Variants in NAV2 observed in about 807,000 individuals in gnomAD.
The protein encoded by NAV2 is helicase, APC down-regulated 1.
A neutral mutation model predicts 223.2 loss-of-function variants in NAV2; 54 were observed. The ratio of observed to expected loss-of-function variants is 0.24; its 90% confidence interval spans 0.19 to 0.30. The LOEUF is 0.30. Ranked by LOEUF, NAV2 falls within the 10% of genes least tolerant of loss-of-function variation. The pLI, the probability that NAV2 is intolerant of heterozygous loss-of-function variation, is 1.00. For missense variants in NAV2, 2,806 were observed against 3,147.5 expected (o/e 0.89, Z 2.60); for synonymous variants, 1,279 against 1,239.3 (o/e 1.03, Z -0.67).
intron 1 of NAV2, among the ~76,000 whole-genome samples, chr11:19,570,002 A>G (rs1028794991): frequency 1.3e-5 from 2 of 152,092 alleles, no homozygotes; most frequent in South Asian, 2.1e-4. Context: ...CAGCAGAATT[A>G]CTCCTTGTAG....
chr11:19,911,618 T>A (rs2043322684), intron 6 of NAV2, among the ~76,000 whole-genome samples: 1 of 152,154 alleles, frequency 6.6e-6, no homozygotes, highest in African/African-American at 2.4e-5. Context: ...TCTGAATCTC[T>A]TTGGTGTTTT....
intron 6 of NAV2, among the ~76,000 whole-genome samples, chr11:19,904,088 A>G (rs909951018): frequency 2.0e-5 from 3 of 152,174 alleles, no homozygotes; most frequent in African/African-American, 7.2e-5. Context: ...GCACTAGTTG[A>G]TTTTTGCTGC....
At chr11:19,781,274 G>A (rs1028556814) in intron 1 of NAV2, among the ~76,000 whole-genome samples, 9 of 152,286 alleles carry the variant, frequency 5.9e-5, no homozygotes, top group African/African-American at 2.2e-4. Flanking sequence ...TGCTGCTGAG[G>A]TGGGTCTGCA....
intron 11 of NAV2, among the ~76,000 whole-genome samples, chr11:20,025,620 TCA>T (rs2054974728): frequency 6.6e-6 from 1 of 152,210 alleles, no homozygotes; most frequent in Non-Finnish European, 1.5e-5. Flanking sequence ...CACCTACTTG[TCA>T]AGGAATGAGT....
At chr11:19,921,908 G>A (rs1437451497) in intron 6 of NAV2, among the ~76,000 whole-genome samples, 2 of 152,192 alleles carry the variant, frequency 1.3e-5, no homozygotes, top group Admixed American at 6.5e-5. Flanking sequence ...CTTAACATGT[G>A]TTGTTAGTAA....
At chr11:19,970,980 T>C (rs1479260183) in intron 10 of NAV2, among the ~76,000 whole-genome samples, 1 of 152,184 alleles carries the variant, frequency 6.6e-6, no homozygotes, top group African/African-American at 2.4e-5. Context: ...ACCTTCTCAG[T>C]GTGGTGTCCT....
chr11:19,766,519 C>T (rs1445907056), intron 1 of NAV2, among the ~76,000 whole-genome samples: 1 of 152,188 alleles, frequency 6.6e-6, no homozygotes, highest in Non-Finnish European at 1.5e-5. Context: ...GCTCTCAGAG[C>T]CAGAAGAGTG....
intron 1 of NAV2, among the ~76,000 whole-genome samples, chr11:19,396,604 G>A (rs78512822): frequency 0.018 from 2,782 of 152,248 alleles, 40 homozygotes; most frequent in Non-Finnish European, 0.031. Flanking sequence ...ACCTCACTGG[G>A]TGGGGAGGTC....
intron 10 of NAV2, among the ~76,000 whole-genome samples, chr11:19,953,524 C>T (rs1472196679): frequency 6.6e-6 from 1 of 152,234 alleles, no homozygotes. Context: ...ATTCCTTTCC[C>T]CTCATGCCCA....
rs569665023 is a variant in NAV2, at chr11:20,083,994, C to A, written c.5498+815C>A. ...ACCAGATGGGTAGAGGGAGTACAGGCAAAATCAGCCTGTCCAGAGGCCAGA... is the reference window on the plus strand; with the variant it reads ...ACCAGATGGGTAGAGGGAGTACAGGAAAAATCAGCCTGTCCAGAGGCCAGA... On this transcript the variant is annotated intron_variant, in intron 26 of 37. Coordinates refer to ENST00000349880, the MANE Select transcript of NAV2 (RefSeq NM_145117.5). 7.7e-4 allele frequency among the ~76,000 whole-genome samples: 117 copies of A among 152,344 alleles called. 1 individual carries two copies. The highest frequency in any genetic ancestry group is 2.7e-3 in the African/African-American group (112 of 41,580).
chr11:19,868,295 T>C (rs2062224067), intron 3 of NAV2, among the ~76,000 whole-genome samples: 1 of 152,186 alleles, frequency 6.6e-6, no homozygotes, highest in African/African-American at 2.4e-5. Context: ...AATGACCTAA[T>C]TGTTCTTTTG....
chr11:19,645,290 T>C (rs2047783627), intron 1 of NAV2, among the ~76,000 whole-genome samples: 1 of 152,270 alleles, frequency 6.6e-6, no homozygotes, highest in African/African-American at 2.4e-5. Context: ...TGACACAGAC[T>C]CTCCTGCCTC....
At chr11:19,729,108 T>C (rs2051510119) in intron 1 of NAV2, among the ~76,000 whole-genome samples, 1 of 152,148 alleles carries the variant, frequency 6.6e-6, no homozygotes, top group Non-Finnish European at 1.5e-5. Flanking sequence ...TTGAAAAATA[T>C]GACCAAGTGA....
At chr11:19,391,037 A>G (rs905134879) in intron 1 of NAV2, among the ~76,000 whole-genome samples, 2 of 152,144 alleles carry the variant, frequency 1.3e-5, no homozygotes, top group African/African-American at 4.8e-5. Context: ...AAGATAAATA[A>G]TTTGCCCATA....
At chr11:19,614,231 G>C (rs1412221236) in intron 1 of NAV2, among the ~76,000 whole-genome samples, 3 of 152,134 alleles carry the variant, frequency 2.0e-5, no homozygotes, top group South Asian at 4.2e-4. Context: ...TTGAAGAGGA[G>C]ATGAGGCAGG....
At position 20,084,176 on chromosome 11, in the gene NAV2, C is replaced by T. The variant is rs145519407; in HGVS notation, c.5498+997C>T. ...GCAGAGGCATGATCTCGGCTCACTG[C>T]AACTTCTGCTGCCCAGGTGCAAGCA... On this transcript the variant is annotated intron_variant, in intron 26 of 37. Transcript: ENST00000349880. Among the ~76,000 whole-genome samples the T allele has an allele frequency of 1.7e-3, 263 of 152,360 alleles. 11 individuals are homozygous for T. In the East Asian group the frequency reaches 0.03, roughly 17 times the overall value.
chr11:19,753,132 G>A (rs1375762113), intron 1 of NAV2, among the ~76,000 whole-genome samples: 1 of 152,184 alleles, frequency 6.6e-6, no homozygotes, highest in Non-Finnish European at 1.5e-5. Context: ...CTCCAGAACT[G>A]AGAAATGAAT....
intron 1 of NAV2, among the ~76,000 whole-genome samples, chr11:19,566,023 T>A (rs1224755549): frequency 1.3e-5 from 2 of 151,426 alleles, no homozygotes; most frequent in Non-Finnish European, 2.9e-5. Flanking sequence ...TGAAGAGCTA[T>A]CCAAGGAGAT....
At chr11:19,816,158 C>A (rs1408773876) in intron 1 of NAV2, among the ~76,000 whole-genome samples, 2 of 152,130 alleles carry the variant, frequency 1.3e-5, no homozygotes, top group Non-Finnish European at 2.9e-5. Flanking sequence ...GGAGAAGGGC[C>A]CGGGGCACAA....
Sources: allele counts gnomAD v4.1 joint callset (sites outside exome capture counted in the v4.1 genomes callset), GRCh38; gene constraint gnomAD v4.1.1; transcripts MANE v1.5; gene names NCBI Gene and HGNC (gene_info 2026-07-23, HGNC 2026-07-21).